The following GRIA1 variants were observed in gnomAD, a reference collection of about 807,000 sequenced individuals.
GRIA1 encodes the protein glutamate ionotropic receptor AMPA type subunit 1, also known as glutamate receptor 1.
GRIA1 carries 31 observed loss-of-function variants against 99.2 expected under a neutral mutation model. That is an observed-to-expected ratio of 0.31 (90% CI 0.23 to 0.42). GRIA1 has a LOEUF of 0.42. Ranked by LOEUF, GRIA1 falls within the 10% of genes least tolerant of loss-of-function variation. The pLI is 1.00. For missense variants in GRIA1, 782 were observed against 1,157.5 expected (o/e 0.68, Z 4.71); for synonymous variants, 438 against 432.4 (o/e 1.01, Z -0.16).
intron 11 of GRIA1, among the ~76,000 whole-genome samples, chr5:153,754,534 C>A (rs2149593794): frequency 6.6e-6 from 1 of 152,244 alleles, no homozygotes; most frequent in East Asian, 1.9e-4. Flanking sequence ...GTGTGTGGAA[C>A]TTTTGTGGGA....
At chr5:153,573,874 C>T (rs1762321550) in intron 2 of GRIA1, among the ~76,000 whole-genome samples, 1 of 152,090 alleles carries the variant, frequency 6.6e-6, no homozygotes, top group Admixed American at 6.6e-5. Context: ...AGGCTCTGTC[C>T]CAGTCCAACC....
At chr5:153,645,096 G>C (rs929549443) in intron 2 of GRIA1, among the ~76,000 whole-genome samples, 1 of 152,160 alleles carries the variant, frequency 6.6e-6, no homozygotes, top group Non-Finnish European at 1.5e-5. Context: ...CTTCTGGGTA[G>C]AGAAGTGATT....
intron 2 of GRIA1, among the ~76,000 whole-genome samples, chr5:153,608,332 C>T (rs1016961451): frequency 2.0e-5 from 3 of 152,114 alleles, no homozygotes. Context: ...ATTAATTCTT[C>T]AGACATCATT....
At chr5:153,649,820 T>G (rs1023747812) in intron 3 of GRIA1, among the ~76,000 whole-genome samples, 1 of 152,180 alleles carries the variant, frequency 6.6e-6, no homozygotes, top group Non-Finnish European at 1.5e-5. Flanking sequence ...GTATTAAAGA[T>G]ACTATATTGA....
intron 2 of GRIA1, among the ~76,000 whole-genome samples, chr5:153,634,774 T>C (rs1018329993): frequency 6.6e-6 from 1 of 152,190 alleles, no homozygotes; most frequent in African/African-American, 2.4e-5. Flanking sequence ...GAAATAAAAA[T>C]GATTCAGCTT....
At chr5:153,658,314 C>G (rs1339379055) in intron 5 of GRIA1, among the ~76,000 whole-genome samples, 2 of 152,046 alleles carry the variant, frequency 1.3e-5, no homozygotes, top group African/African-American at 4.8e-5. Flanking sequence ...ACTGAAAGAC[C>G]CCAGGTAATT....
At chr5:153,602,717 G>A (rs985197676) in intron 2 of GRIA1, among the ~76,000 whole-genome samples, 1 of 152,104 alleles carries the variant, frequency 6.6e-6, no homozygotes, top group Non-Finnish European at 1.5e-5. Flanking sequence ...ACCTCCTACA[G>A]CCCTGGGCTA....
intron 2 of GRIA1, among the ~76,000 whole-genome samples, chr5:153,543,566 G>A (rs981008080): frequency 6.6e-6 from 1 of 152,116 alleles, no homozygotes; most frequent in African/African-American, 2.4e-5. Context: ...TCAACTGTTG[G>A]TTACTTGAAT....
chr5:153,807,530 T>G (rs779726570), intron 15 of GRIA1, among the ~76,000 whole-genome samples: 3 of 152,086 alleles, frequency 2.0e-5, no homozygotes, highest in Non-Finnish European at 4.4e-5. Context: ...TTGCCAGCCA[T>G]ACACAAGTGT....
At chr5:153,545,869 G>A (rs893780290) in intron 2 of GRIA1, among the ~76,000 whole-genome samples, 1 of 152,094 alleles carries the variant, frequency 6.6e-6, no homozygotes, top group African/African-American at 2.4e-5. Context: ...GCTGAATTTG[G>A]CCCACACACC....
intron 11 of GRIA1, among the ~76,000 whole-genome samples, chr5:153,732,991 C>A (rs1761151621): frequency 6.8e-6 from 1 of 146,530 alleles, no homozygotes; most frequent in African/African-American, 2.5e-5. Context: ...AAAAGACTAT[C>A]CTTTTCCACT....
At chr5:153,500,178 C>T (rs1322980579) in intron 2 of GRIA1, among the ~76,000 whole-genome samples, 1 of 152,160 alleles carries the variant, frequency 6.6e-6, no homozygotes, top group Non-Finnish European at 1.5e-5. Flanking sequence ...GTTTGAAGAT[C>T]CTGCTGGGAT....
At chr5:153,771,903 G>A (rs1224444240) in intron 13 of GRIA1, among the ~76,000 whole-genome samples, 1 of 151,822 alleles carries the variant, frequency 6.6e-6, no homozygotes, top group East Asian at 1.9e-4. Context: ...GGGGGAGGGG[G>A]GAATCAAAGG....
intron 13 of GRIA1, among the ~76,000 whole-genome samples, chr5:153,778,784 TTTCTTTC>T (rs779813320): frequency 3.9e-4 from 60 of 152,132 alleles, no homozygotes; most frequent in Non-Finnish European, 7.4e-4. Flanking sequence ...AGCAGAAAGC[TTTCTTTC>T]TGCTCTATTT....
chr5:153,524,534 G>A lies in GRIA1; in HGVS notation c.220+30469G>A, dbSNP rs187893970. On this transcript the variant is annotated intron_variant, in intron 2 of 15. Coordinates refer to ENST00000285900, the MANE Select transcript of GRIA1 (RefSeq NM_000827.4). ...TCTATCCTTCTGGACTAGCTTTCCT[G>A]CATAGCTAACTCATTTAATTCCAGG... Among the ~76,000 whole-genome samples the A allele has an allele frequency of 5.8e-4, 89 of 152,250 alleles. 2 individuals carry two copies. The highest frequency in any genetic ancestry group is 2.1e-3 in the African/African-American group (86 of 41,556).
chr5:153,689,968 G>T (rs897268324), intron 8 of GRIA1, among the ~76,000 whole-genome samples: 1 of 152,184 alleles, frequency 6.6e-6, no homozygotes, highest in African/African-American at 2.4e-5. Flanking sequence ...ATCTCTTCAA[G>T]ACTTGCTCTT....
chr5:153,608,617 C>G (rs1765663670), intron 2 of GRIA1, among the ~76,000 whole-genome samples: 1 of 152,132 alleles, frequency 6.6e-6, no homozygotes, highest in African/African-American at 2.4e-5. Context: ...TTTCAGTCCT[C>G]TGATAAAATT....
At chr5:153,690,909 T>C (rs1757698150) in intron 8 of GRIA1, among the ~76,000 whole-genome samples, 1 of 152,198 alleles carries the variant, frequency 6.6e-6, no homozygotes, top group South Asian at 2.1e-4. Flanking sequence ...AAAGTAATTT[T>C]TCTGATTTTC....
At chr5:153,765,843 A>G (rs1262525306) in intron 12 of GRIA1, among the ~76,000 whole-genome samples, 1 of 152,216 alleles carries the variant, frequency 6.6e-6, no homozygotes, top group Non-Finnish European at 1.5e-5. Context: ...TCCCTATTTT[A>G]TAGCTCAGAG....
Sources: gnomAD v4.1 joint callset for allele counts (sites outside exome capture counted in the v4.1 genomes callset) on GRCh38, gnomAD v4.1.1 for gene constraint, MANE v1.5 for transcripts, NCBI Gene and HGNC (gene_info 2026-07-23, HGNC 2026-07-21) for gene names.